Variants in ARHGAP10 observed in about 807,000 individuals in gnomAD.
The protein encoded by ARHGAP10 is Rho GTPase activating protein 10.
A neutral mutation model predicts 108.6 loss-of-function variants in ARHGAP10; 87 were observed. The ratio of observed to expected loss-of-function variants is 0.80; its 90% confidence interval spans 0.67 to 0.96. The LOEUF is 0.96. Ranked by LOEUF, ARHGAP10 falls within the 40% of genes least tolerant of loss-of-function variation. The pLI is 0.00. For synonymous variants in ARHGAP10, 347 were observed against 341.1 expected (o/e 1.02, Z -0.19); for missense variants, 939 against 954.5 (o/e 0.98, Z 0.21).
Position 147,958,595 on chromosome 4 carries a change from G to A in ARHGAP10, c.1450+3221G>A, listed in dbSNP as rs1738875159. 3.3e-5 allele frequency among the ~76,000 whole-genome samples: 5 copies of A among 152,190 alleles called. No individual in the cohort carries two copies. The South Asian group carries it at 1.0e-3, about 32-fold the overall frequency. Reference sequence around the variant, plus strand: ...TAGGAACCCAGGAATTAAGGGAACTGAATGCTTAGTGGCATGCCTCCCTCT... The same window carrying A: ...TAGGAACCCAGGAATTAAGGGAACTAAATGCTTAGTGGCATGCCTCCCTCT... On this transcript the variant is annotated intron_variant, in intron 16 of 22. Transcript: ENST00000336498.
intron 20 of ARHGAP10, among the ~76,000 whole-genome samples, 156 bp from the exon 21 acceptor site, chr4:148,062,992 G>T (rs1251011451): frequency 6.6e-6 from 1 of 152,134 alleles, no homozygotes; most frequent in Non-Finnish European, 1.5e-5. Flanking sequence ...CGTAGTTTGG[G>T]CTGCAGCCCC....
chr4:147,866,629 G>A (rs1219947932), intron 6 of ARHGAP10, 83 bp from the exon 7 acceptor site: 1 of 945,498 alleles, frequency 1.1e-6, no homozygotes, highest in Non-Finnish European at 1.7e-6. Flanking sequence ...TGAGATGGCG[G>A]GGGGAACACT....
At chr4:147,977,688 C>T (rs1739647981) in intron 18 of ARHGAP10, among the ~76,000 whole-genome samples, 1 of 151,874 alleles carries the variant, frequency 6.6e-6, no homozygotes, top group Non-Finnish European at 1.5e-5. Context: ...TTTGGGGGTA[C>T]ATGTACAGGT....
chr4:147,909,896 G>GT, intron 12 of ARHGAP10, 119 bp downstream of exon 12: 7 of 928,472 alleles, frequency 7.5e-6, no homozygotes, highest in Non-Finnish European at 1.2e-5. Flanking sequence ...TAGACAGAGG[G>GT]GTATTACACG....
rs1736120582 is a variant in ARHGAP10, at chr4:147,899,119, G to A, written c.1035-7519G>A. Reference sequence around the variant, plus strand: ...GTCCTGCTCTCAGACTTCCTCATGAGCGCTTGAGGTCCCACGGACAAGAGT... The same window carrying A: ...GTCCTGCTCTCAGACTTCCTCATGAACGCTTGAGGTCCCACGGACAAGAGT... On this transcript the variant is annotated intron_variant, in intron 10 of 22. Coordinates refer to ENST00000336498, the MANE Select transcript of ARHGAP10 (RefSeq NM_024605.4). Among the ~76,000 whole-genome samples the A allele has an allele frequency of 3.9e-5, 6 of 152,288 alleles. No homozygotes were observed. In the South Asian group the frequency reaches 1.2e-3, roughly 32 times the overall value.
At chr4:147,966,957 A>C in intron 18 of ARHGAP10, 118 bp downstream of exon 18, 1 of 944,766 alleles carries the variant, frequency 1.1e-6, no homozygotes, top group Non-Finnish European at 1.5e-6. Flanking sequence ...TTTCATTCTC[A>C]CTGTGATGAG....
chr4:147,827,153 T>C (rs1405077943), intron 3 of ARHGAP10, among the ~76,000 whole-genome samples: 1 of 152,084 alleles, frequency 6.6e-6, no homozygotes, highest in Non-Finnish European at 1.5e-5. Context: ...GTTTGGGTAC[T>C]TCTCATCTTG....
At chr4:148,001,814 C>T (rs1370866152) in intron 18 of ARHGAP10, among the ~76,000 whole-genome samples, 2 of 152,162 alleles carry the variant, frequency 1.3e-5, no homozygotes, top group Non-Finnish European at 2.9e-5. Flanking sequence ...AGATTTTGGG[C>T]TGAGATGATG....
chr4:148,030,377 A>G (rs1200125153), intron 19 of ARHGAP10, among the ~76,000 whole-genome samples: 1 of 152,230 alleles, frequency 6.6e-6, no homozygotes, highest in East Asian at 1.9e-4. Context: ...TCTAAGAAAC[A>G]TCTTTTCAAA....
At chr4:147,897,159 A>T (rs749424856) in intron 10 of ARHGAP10, among the ~76,000 whole-genome samples, 1 of 151,740 alleles carries the variant, frequency 6.6e-6, no homozygotes, top group Admixed American at 6.6e-5. Flanking sequence ...TTATGTTTAA[A>T]CTTTTTTTTA....
intron 6 of ARHGAP10, chr4:147,866,188 G>A (rs1238871447): frequency 6.6e-6 from 1 of 152,386 alleles, no homozygotes; most frequent in Non-Finnish European, 1.5e-5. Context: ...AGAGGCAACA[G>A]CCCTCTAATT....
At chr4:147,802,708 A>G (rs1731631389) in intron 1 of ARHGAP10, among the ~76,000 whole-genome samples, 2 of 152,260 alleles carry the variant, frequency 1.3e-5, no homozygotes, top group South Asian at 4.1e-4. Context: ...CTCTAGGACC[A>G]TGCAGGGTGA....
chr4:148,062,368 G>C (rs1454437036), intron 20 of ARHGAP10, among the ~76,000 whole-genome samples: 2 of 152,232 alleles, frequency 1.3e-5, no homozygotes, highest in Non-Finnish European at 2.9e-5. Context: ...TAGGTGAAGA[G>C]CACCTGGGTG....
chr4:147,902,100 G>A (rs1187060128), intron 10 of ARHGAP10, among the ~76,000 whole-genome samples: 5 of 152,146 alleles, frequency 3.3e-5, no homozygotes, highest in East Asian at 1.9e-4. Flanking sequence ...TATTCTTGGA[G>A]CAACAGCTTT....
intron 20 of ARHGAP10, among the ~76,000 whole-genome samples, chr4:148,055,573 C>CAG (rs1729326645): frequency 6.6e-6 from 1 of 152,120 alleles, no homozygotes; most frequent in Non-Finnish European, 1.5e-5. Context: ...CCTGTAATCC[C>CAG]AGCTACTCGG....
At chr4:147,778,849 G>C (rs1328727910) in intron 1 of ARHGAP10, among the ~76,000 whole-genome samples, 1 of 152,152 alleles carries the variant, frequency 6.6e-6, no homozygotes, top group Non-Finnish European at 1.5e-5. Flanking sequence ...CAAAAAATAA[G>C]AACACTTAGA....
chr4:147,883,416 G>GT (rs763732032), intron 10 of ARHGAP10, among the ~76,000 whole-genome samples: 28 of 152,340 alleles, frequency 1.8e-4, no homozygotes, highest in Admixed American at 5.9e-4. Context: ...ATTAGTCAGT[G>GT]TAACACAAGT....
intron 3 of ARHGAP10, among the ~76,000 whole-genome samples, chr4:147,838,473 T>TA (rs60333839): frequency 0.72 from 106,075 of 147,852 alleles, 41,632 homozygotes; most frequent in Non-Finnish European, 0.87. Flanking sequence ...CCTTGTCTCT[T>TA]AAAAAAAAAA....
chr4:147,735,915 T>C (rs1386838821), intron 1 of ARHGAP10, among the ~76,000 whole-genome samples: 1 of 152,250 alleles, frequency 6.6e-6, no homozygotes, highest in Non-Finnish European at 1.5e-5. Context: ...TAGTTTCAGT[T>C]GCTTATGATT....
Sources: gnomAD v4.1 joint callset for allele counts (sites outside exome capture counted in the v4.1 genomes callset) on GRCh38, gnomAD v4.1.1 for gene constraint, MANE v1.5 for transcripts, NCBI Gene and HGNC (gene_info 2026-07-23, HGNC 2026-07-21) for gene names.